Variants in PADI2 observed in about 807,000 individuals in gnomAD.
The protein encoded by PADI2 is protein-arginine deiminase type-2.
A neutral mutation model predicts 81.1 loss-of-function variants in PADI2; 70 were observed. That is an observed-to-expected ratio of 0.86 (90% CI 0.71 to 1.05). The LOEUF (loss-of-function observed/expected upper bound fraction) is 1.05, where lower values mean the gene tolerates loss of function less well. Ranked by LOEUF, PADI2 falls within the 50% of genes least tolerant of loss-of-function variation. PADI2 has a pLI of 0.00. For missense variants in PADI2, 853 were observed against 889.9 expected (o/e 0.96, Z 0.53); for synonymous variants, 338 against 358.0 (o/e 0.94, Z 0.63).
intron 8 of PADI2, 143 bp downstream of exon 8, chr1:17,084,456 T>C: frequency 1.7e-6 from 1 of 580,304 alleles, no homozygotes; most frequent in Non-Finnish European, 3.1e-6. Context: ...GACTCTACGA[T>C]GTGGGCATTT....
In PADI2 at chr1:17,106,722, C is replaced by T. The variant is rs182209595; in HGVS notation, c.93-1661G>A. Among the ~76,000 whole-genome samples, 981 of 151,900 alleles carry T rather than the reference C, an allele frequency of 6.5e-3. 11 individuals are homozygous for T. Among genetic ancestry groups the T allele is most frequent in the African/African-American group, 0.022 (930 of 41,406 alleles). On this transcript the variant is annotated intron_variant, in intron 1 of 15. Transcript: ENST00000375486. ...CCTCCCAAAGTGCTGGGATTACAGG[C>T]GTGAGCCACCCTGGCCAAGGGCAGG...
intron 13 of PADI2, 33 bp downstream of exon 13, chr1:17,074,823 G>T (rs748291869): frequency 4.9e-6 from 7 of 1,431,092 alleles, no homozygotes; most frequent in South Asian, 1.2e-5. Context: ...CCTCCAGCTC[G>T]CCACTTCCTG....
At chr1:17,076,822 C>G (rs2078306516) in intron 11 of PADI2, among the ~76,000 whole-genome samples, 1 of 152,050 alleles carries the variant, frequency 6.6e-6, no homozygotes, top group Admixed American at 6.6e-5. Context: ...CGTGATCTGC[C>G]CACCTCAGCT....
In PADI2 at chr1:17,119,396, C is replaced by G; in HGVS notation, c.-25G>C. ...TCCTCCCCGCCGCAGTGCCCGCGCT[C>G]GCTGGTCCGGGGCGGCCGGGAGCAC... is the stretch of plus-strand genomic sequence containing the variant. On this transcript the variant is annotated 5_prime_UTR_variant, in exon 1 of 16. Coordinates refer to ENST00000375486, the MANE Select transcript of PADI2 (RefSeq NM_007365.3). This position sits in a 1 kb window ranked among gnomAD's most constrained non-coding sequence, Gnocchi z 4.8. 6.6e-7 allele frequency: 1 copy of G among 1,514,742 alleles called. No individual in the cohort carries two copies. The highest frequency in any genetic ancestry group is 8.9e-7 in the Non-Finnish European group (1 of 1,129,630). 93.8% of individuals were successfully genotyped at this position (1,514,742 alleles called of 1,614,324 possible).
chr1:17,085,564 C>A (rs914748013), intron 7 of PADI2, among the ~76,000 whole-genome samples: 1 of 152,170 alleles, frequency 6.6e-6, no homozygotes, highest in Admixed American at 6.5e-5. Context: ...ATGCTCACAA[C>A]CACCCCCGGC....
At chr1:17,099,237 A>G (rs905952657) in intron 3 of PADI2, among the ~76,000 whole-genome samples, 27 of 151,824 alleles carry the variant, frequency 1.8e-4, no homozygotes, top group African/African-American at 6.3e-4. Flanking sequence ...AAGGAAGGAC[A>G]CCCTCCCCCA....
intron 11 of PADI2, among the ~76,000 whole-genome samples, chr1:17,078,137 G>GT (rs1215706594): frequency 1.3e-5 from 2 of 152,130 alleles, no homozygotes; most frequent in Non-Finnish European, 2.9e-5. Flanking sequence ...TTGAGACGCA[G>GT]TTTCACTCTT....
chr1:17,097,258 AG>A (rs1930970500), intron 3 of PADI2, among the ~76,000 whole-genome samples: 1 of 152,162 alleles, frequency 6.6e-6, no homozygotes, highest in Admixed American at 6.5e-5. Context: ...CATGGAAAGG[AG>A]GGTCCTGGCA....
chr1:17,105,067 G>A lies in PADI2; in HGVS notation c.93-6C>T, dbSNP rs1227000825. 6.4e-7 allele frequency: 1 copy of A among 1,555,106 alleles called. No individual in the cohort carries two copies. The highest frequency in any genetic ancestry group is 2.3e-5 in the East Asian group (1 of 43,054). ...GGGCCCCGGCTGGGGCCGCGCTGTG[G>A]GGAGAGATGAGAGAGGGTTAGGGAG... On this transcript the variant is annotated splice_region_variant and splice_polypyrimidine_tract_variant and intron_variant, in intron 1 of 15. Transcript: ENST00000375486.
chr1:17,115,199 A>G lies in PADI2; in HGVS notation c.92+4081T>C, dbSNP rs1315723861. On this transcript the variant is annotated intron_variant, in intron 1 of 15. Transcript: ENST00000375486. The surrounding 1 kb of genome is among the most constrained non-coding windows in gnomAD (Gnocchi z 4.1). The stretch of plus-strand genomic sequence containing the variant: ...GGCAAATTATTACTATTTACTTGAT[A>G]TTACTAGCTGACATTTATCTTCTTT... 6.6e-6 allele frequency among the ~76,000 whole-genome samples: 1 copy of G among 152,240 alleles called. No homozygotes were observed. Among genetic ancestry groups the G allele is most frequent in the Non-Finnish European group, 1.5e-5 (1 of 68,048 alleles).
chr1:17,093,741 T>G, intron 4 of PADI2, 57 bp from the exon 5 acceptor site: 1 of 1,032,076 alleles, frequency 9.7e-7, no homozygotes. Context: ...ATAGACCCCA[T>G]GGGACACTGG....
At chr1:17,116,721 G>A (rs1227071595) in intron 1 of PADI2, among the ~76,000 whole-genome samples, 1 of 152,188 alleles carries the variant, frequency 6.6e-6, no homozygotes, top group African/African-American at 2.4e-5. Context: ...ATCTCTCTGA[G>A]CCTTACCTTC....
chr1:17,094,937 C>T (rs139693975), intron 4 of PADI2, among the ~76,000 whole-genome samples: 9 of 152,278 alleles, frequency 5.9e-5, no homozygotes, highest in Middle Eastern at 6.8e-3. Flanking sequence ...GCCTTGCTCA[C>T]GATCCTAGAA....
intron 1 of PADI2, among the ~76,000 whole-genome samples, chr1:17,114,290 GTTCA>G (rs1237468995): frequency 1.3e-5 from 2 of 152,020 alleles, no homozygotes; most frequent in Admixed American, 6.6e-5. Context: ...TCATTCATTC[GTTCA>G]TTCATTCATT....
At chr1:17,079,241 A>G in intron 11 of PADI2, 23 bp downstream of exon 11, 1 of 1,607,784 alleles carries the variant, frequency 6.2e-7, no homozygotes, top group Non-Finnish European at 8.5e-7. Context: ...CACAGCCCCT[A>G]GCCCCAGCCT....
chr1:17,098,334 T>G (rs57026256), intron 3 of PADI2, among the ~76,000 whole-genome samples: 1 of 152,214 alleles, frequency 6.6e-6, no homozygotes, highest in African/African-American at 2.4e-5. Flanking sequence ...TGACATTACA[T>G]TGGGACTCCT....
intron 4 of PADI2, among the ~76,000 whole-genome samples, chr1:17,094,054 G>A (rs1367994867): frequency 6.6e-6 from 1 of 152,130 alleles, no homozygotes; most frequent in Admixed American, 6.5e-5. Context: ...CGCCTGGATG[G>A]ATGCCACCCA....
At chr1:17,104,106 C>T (rs559266271) in intron 2 of PADI2, among the ~76,000 whole-genome samples, 5 of 147,278 alleles carry the variant, frequency 3.4e-5, no homozygotes, top group South Asian at 2.2e-4. Context: ...CACGGTGAAA[C>T]CCCATCTCTA....
chr1:17,094,328 G>A (rs1441257638), intron 4 of PADI2, among the ~76,000 whole-genome samples: 2 of 152,012 alleles, frequency 1.3e-5, no homozygotes, highest in South Asian at 2.1e-4. Context: ...CCATCCCGGC[G>A]CCTTTCTGCT....
Sources: gnomAD v4.1 joint callset for allele counts (sites outside exome capture counted in the v4.1 genomes callset) on GRCh38, gnomAD v4.1.1 for gene constraint, Gnocchi (gnomAD v3.1) non-coding constraint, MANE v1.5 for transcripts, NCBI Gene and HGNC (gene_info 2026-07-23, HGNC 2026-07-21) for gene names.